MACROD2: variants seen among roughly 807,000 people sequenced by gnomAD.
MACROD2 encodes the protein mono-ADP ribosylhydrolase 2.
Under a neutral mutation model 70.4 loss-of-function variants are expected in MACROD2, and 36 were observed. That is an observed-to-expected ratio of 0.51 (90% CI 0.39 to 0.68). The LOEUF (loss-of-function observed/expected upper bound fraction) is 0.68, where lower values mean the gene tolerates loss of function less well. Ranked by LOEUF, MACROD2 falls within the 30% of genes least tolerant of loss-of-function variation. The pLI is 0.00. For synonymous variants in MACROD2, 172 were observed against 178.8 expected, an observed-to-expected ratio of 0.96 and a Z score of 0.30; for missense variants, 496 against 538.4, an observed-to-expected ratio of 0.92 and a Z score of 0.78.
At position 15,937,479 on chromosome 20, in the gene MACROD2, G is replaced by A; in HGVS notation, c.842G>A (p.Gly281Asp). 1 of 1,613,230 alleles carries A rather than the reference G, an allele frequency of 6.2e-7. No homozygotes were observed. Among genetic ancestry groups the A allele is most frequent in the South Asian group, 1.1e-5 (1 of 91,072 alleles). ...EMEEQSQDADGVNTVTVPGPA... is the reference protein window; with the variant it reads ...EMEEQSQDADDVNTVTVPGPA... ...GTGTTTCTTTTCTGCTTTATAGATG[G>A]TGTCAACACTGTCACTGTGCCCGGC... The change falls in exon 12 of 18, where the codon GGT (glycine) becomes GAT (aspartate). Residue 281 changes from glycine to aspartate, a missense_variant. Physicochemically the swap from Gly to Asp is moderately conservative, Grantham distance 94 (BLOSUM62 -1). Coordinates refer to ENST00000684519, the MANE Select transcript of MACROD2 (RefSeq NM_001351661.2).
chr20:14,771,644 T>C (rs1248368630), intron 5 of MACROD2, among the ~76,000 whole-genome samples: 2 of 141,682 alleles, frequency 1.4e-5, no homozygotes, highest in Middle Eastern at 3.4e-3. Flanking sequence ...TATCCAAAAA[T>C]ACACACACAC....
intron 8 of MACROD2, among the ~76,000 whole-genome samples, chr20:15,717,433 T>C (rs140387937): frequency 4.6e-4 from 70 of 152,344 alleles, no homozygotes; most frequent in African/African-American, 1.5e-3. Context: ...GAACTATGTA[T>C]TCATATAACT....
chr20:14,600,278 G>C (rs1471300477), intron 4 of MACROD2, among the ~76,000 whole-genome samples: 1 of 147,520 alleles, frequency 6.8e-6, no homozygotes, highest in Non-Finnish European at 1.5e-5. Flanking sequence ...TAAATTCCAG[G>C]ATTATATTAA....
chr20:14,318,379 G>C (rs2082631045), intron 3 of MACROD2, among the ~76,000 whole-genome samples: 1 of 152,116 alleles, frequency 6.6e-6, no homozygotes. Flanking sequence ...GAAAAACTTT[G>C]AAGGCAACCT....
intron 4 of MACROD2, among the ~76,000 whole-genome samples, chr20:14,591,179 T>G (rs1420160038): frequency 6.6e-6 from 1 of 152,174 alleles, no homozygotes; most frequent in African/African-American, 2.4e-5. Flanking sequence ...GAAAATTTTT[T>G]GGGCTAAACT....
chr20:14,253,057 A>G (rs1171004815), intron 3 of MACROD2, among the ~76,000 whole-genome samples: 4 of 151,890 alleles, frequency 2.6e-5, no homozygotes, highest in African/African-American at 9.7e-5. Context: ...TTGTGCTTTA[A>G]ACTTTTGTCA....
intron 3 of MACROD2, among the ~76,000 whole-genome samples, chr20:14,450,501 C>G (rs1158392018): frequency 1.3e-5 from 2 of 152,050 alleles, no homozygotes; most frequent in Non-Finnish European, 2.9e-5. Flanking sequence ...GCATCAGCCT[C>G]ATATCTTCAG....
chr20:14,684,487 T>G (rs145223593), intron 4 of MACROD2, among the ~76,000 whole-genome samples: 233 of 152,198 alleles, frequency 1.5e-3, no homozygotes, highest in Non-Finnish European at 2.8e-3. Flanking sequence ...CTGTGTTCAG[T>G]GACATCAAGT....
intron 4 of MACROD2, among the ~76,000 whole-genome samples, chr20:14,527,570 C>T (rs1421545385): frequency 1.3e-5 from 2 of 152,156 alleles, no homozygotes; most frequent in South Asian, 2.1e-4. Flanking sequence ...ACGAATTATA[C>T]TGACATTATA....
chr20:14,641,614 G>A (rs1449840041), intron 4 of MACROD2, among the ~76,000 whole-genome samples: 2 of 152,154 alleles, frequency 1.3e-5, no homozygotes, highest in East Asian at 1.9e-4. Context: ...TGTTATGTTA[G>A]CATGCAAGAA....
In MACROD2 at chr20:15,076,939, G is replaced by C. The variant is rs978429714; in HGVS notation, c.419-153001G>C. ...TTCAGAATGAAATTTTCCTTATCAA[G>C]TCCATAAAATTTGCAAATTACTTCA... On this transcript the variant is annotated intron_variant, in intron 5 of 17. Coordinates refer to ENST00000684519, the MANE Select transcript of MACROD2 (RefSeq NM_001351661.2). Among the ~76,000 whole-genome samples the C allele has an allele frequency of 3.9e-5, 6 of 152,096 alleles. No homozygotes were observed. The East Asian group carries it at 9.6e-4, about 24-fold the overall frequency.
chr20:14,315,508 A>G (rs1017716317), intron 3 of MACROD2, among the ~76,000 whole-genome samples: 1 of 152,228 alleles, frequency 6.6e-6, no homozygotes, highest in African/African-American at 2.4e-5. Flanking sequence ...CAGGGAAAAA[A>G]AGACTCTTGT....
intron 3 of MACROD2, chr20:14,127,368 G>T (rs1430655870): frequency 5.5e-6 from 2 of 363,378 alleles, no homozygotes; most frequent in African/African-American, 2.2e-5. Flanking sequence ...CTTGCTTCTT[G>T]CTGAGGCTGC....
At chr20:15,511,272 A>G (rs527381645) in intron 8 of MACROD2, among the ~76,000 whole-genome samples, 1 of 152,238 alleles carries the variant, frequency 6.6e-6, no homozygotes, top group African/African-American at 2.4e-5. Flanking sequence ...ACAATAAACC[A>G]TTGACTGAAA....
In MACROD2 at chr20:14,190,728, T is replaced by TTTTTTTC. The variant is rs765628902; in HGVS notation, c.271+105000_271+105001insTTTTTTC. Among the ~76,000 whole-genome samples the TTTTTTTC allele has an allele frequency of 3.5e-4, 25 of 71,654 alleles. 3 individuals are homozygous for TTTTTTTC. Among genetic ancestry groups the TTTTTTTC allele is most frequent in the East Asian group, 5.1e-4 (1 of 1,948 alleles). 47.0% of individuals were successfully genotyped at this position (71,654 alleles called of 152,430 possible). A position where few individuals can be genotyped will look rare whatever the true frequency, so the allele number is the denominator to read the frequency against. Reference sequence around the variant, plus strand: ...TTTTTTTTTTTTTTTTTTTTTTTTTTCCAGAGTCTTGTTCTGTCACCCAGG... The same window carrying TTTTTTTC: ...TTTTTTTTTTTTTTTTTTTTTTTTTTTTTTTTCCCAGAGTCTTGTTCTGTCACCCAGG... On this transcript the variant is annotated intron_variant, in intron 3 of 17. Coordinates refer to ENST00000684519, the MANE Select transcript of MACROD2 (RefSeq NM_001351661.2).
chr20:15,177,504 ACTC>A (rs2076471078), intron 5 of MACROD2, among the ~76,000 whole-genome samples: 1 of 150,840 alleles, frequency 6.6e-6, no homozygotes, highest in Admixed American at 6.6e-5. Context: ...GCTGCAGAAA[ACTC>A]CTCTTTGACT....
intron 7 of MACROD2, among the ~76,000 whole-genome samples, chr20:15,498,673 T>C (rs980248113): frequency 6.6e-6 from 1 of 152,194 alleles, no homozygotes; most frequent in Admixed American, 6.5e-5. Context: ...GGGTGACAGA[T>C]TGGGGAGTGA....
intron 2 of MACROD2, among the ~76,000 whole-genome samples, chr20:14,066,174 T>C: frequency 6.6e-6 from 1 of 152,228 alleles, no homozygotes; most frequent in East Asian, 1.9e-4. Flanking sequence ...GAGTTAGTTA[T>C]AGCTTTGTAT....
chr20:14,055,594 A>T (rs753905554), intron 2 of MACROD2, among the ~76,000 whole-genome samples: 68 of 152,078 alleles, frequency 4.5e-4, no homozygotes, highest in Non-Finnish European at 8.2e-4. Context: ...GCATAGGGCA[A>T]GTTACCTGTC....
Sources: gnomAD v4.1 joint callset for allele counts (sites outside exome capture counted in the v4.1 genomes callset) on GRCh38, gnomAD v4.1.1 for gene constraint, MANE v1.5 for transcripts, NCBI Gene and HGNC (gene_info 2026-07-23, HGNC 2026-07-21) for gene names.